The following DHH variants were observed in gnomAD, a reference collection of about 807,000 sequenced individuals.
The protein encoded by DHH is desert hedgehog protein.
DHH carries 16 observed loss-of-function variants against 27.6 expected under a neutral mutation model. The ratio of observed to expected loss-of-function variants is 0.58; its 90% CI spans 0.39 to 0.88. The LOEUF is 0.88. Among genes scored for constraint, DHH ranks in the 40% least tolerant of loss-of-function variants. The pLI, the probability that DHH is intolerant of heterozygous loss-of-function variation, is 0.00. For synonymous variants in DHH, 289 were observed against 263.4 expected (o/e 1.10, Z -0.94); for missense variants, 436 against 563.1 (o/e 0.77, Z 2.28).
At chr12:49,092,052 G>A (rs1939313427) in intron 1 of DHH, among the ~76,000 whole-genome samples, 1 of 152,202 alleles carries the variant, frequency 6.6e-6, no homozygotes, top group Non-Finnish European at 1.5e-5. Context: ...CTGAGCCCAG[G>A]CCGGGAACGC....
At chr12:49,093,831 T>A (rs901914031) in intron 1 of DHH, among the ~76,000 whole-genome samples, 1 of 152,172 alleles carries the variant, frequency 6.6e-6, no homozygotes, top group East Asian at 1.9e-4. Flanking sequence ...GGCTTCTGTC[T>A]GCTACCTAGC....
rs1419415875 is a variant in DHH at position 49,087,382 on chromosome 12, C to T, written c.*2477G>A. On this transcript the variant is annotated 3_prime_UTR_variant, in exon 3 of 3. Transcript: ENST00000649637. The stretch of plus-strand genomic sequence containing the variant: ...CTTATTACAGTGCTAGGAATCATCA[C>T]CATTATGATTTTATGGTTAAAGGTT... Among the ~76,000 whole-genome samples the T allele has an allele frequency of 6.6e-6, 1 of 152,136 alleles. No homozygotes were observed. Among genetic ancestry groups the T allele is most frequent in the Non-Finnish European group, 1.5e-5 (1 of 68,026 alleles).
chr12:49,091,457 G>A lies in DHH; in HGVS notation c.304-68C>T, dbSNP rs965279038. 3.7e-5 allele frequency: 59 copies of A among 1,593,366 alleles called. No individual in the cohort carries two copies. The highest frequency in any genetic ancestry group is 4.5e-5 in the Non-Finnish European group (53 of 1,171,998). On this transcript the variant is annotated intron_variant, in intron 1 of 2. Transcript: ENST00000649637. The surrounding 1 kb of genome is among the most constrained non-coding windows in gnomAD (Gnocchi z 4.8). ...GGGGCAAAAGGGACCTGGATAGGAG[G>A]GTTGATTCTTTGTTATTCCGGCCCT...
chr12:49,090,562 G>A lies in DHH; in HGVS notation c.566-78C>T, dbSNP rs1939281768. 1 of 1,551,362 alleles carries A rather than the reference G, an allele frequency of 6.4e-7. No individual in the cohort carries two copies. Among genetic ancestry groups the A allele is most frequent in the Non-Finnish European group, 8.7e-7 (1 of 1,152,404 alleles). On this transcript the variant is annotated intron_variant, in intron 2 of 2. Transcript: ENST00000649637. The surrounding 1 kb of genome is among the most constrained non-coding windows in gnomAD (Gnocchi z 5.2). ...GATTCTCAAGGCCAGCGCAGATATC[G>A]CCAGTCATGGACAACACAATTTTCC...
intron 1 of DHH, among the ~76,000 whole-genome samples, chr12:49,093,637 G>T (rs1305873578): frequency 1.3e-5 from 2 of 152,118 alleles, no homozygotes; most frequent in Admixed American, 6.5e-5. Context: ...GATAGCCCTA[G>T]AATAGACCCT....
rs780206840 is a variant in DHH at position 49,090,459 on chromosome 12, G to T, written c.591C>A (p.Gly197=). 1.9e-6 allele frequency: 3 copies of T among 1,604,242 alleles called. No individual in the cohort carries two copies. Among genetic ancestry groups the T allele is most frequent in the Non-Finnish European group, 2.5e-6 (3 of 1,179,736 alleles). Residue 197 remains glycine (G), a synonymous_variant, in exon 3 of 3, where the codon GGC becomes GGA. Transcript: ENST00000649637. This position sits in a 1 kb window ranked among gnomAD's most constrained non-coding sequence, Gnocchi z 5.2. The part of the protein sequence containing the change: ...KADNSLAVRA[G]GCFPGNATVR... ...CAGTTGCATTTCCCGGAAAGCAGCCGCCCGCCCGGACCGCCAGTGAGTTAT... is the reference window on the plus strand; with the variant it reads ...CAGTTGCATTTCCCGGAAAGCAGCCTCCCGCCCGGACCGCCAGTGAGTTAT...
rs576275877 is a variant in DHH, at chr12:49,093,946, T to C, written c.303+264A>G. Reference sequence around the variant, plus strand: ...CCGTCTCGCCTGCCGCCATCCTCCTTTCCCCGCCCTCGCTGCCTCTACCAG... The same window carrying C: ...CCGTCTCGCCTGCCGCCATCCTCCTCTCCCCGCCCTCGCTGCCTCTACCAG... On this transcript the variant is annotated intron_variant, in intron 1 of 2. Coordinates refer to ENST00000649637, the MANE Select transcript of DHH (RefSeq NM_021044.4). Among the ~76,000 whole-genome samples the C allele has an allele frequency of 2.0e-5, 3 of 152,246 alleles. 1 individual carries two copies. The highest frequency in any genetic ancestry group is 6.8e-3 in the Middle Eastern group (2 of 294).
chr12:49,090,441 A>C lies in DHH; in HGVS notation c.609T>G (p.Asn203Lys), dbSNP rs1463980170. The C allele has an allele frequency of 6.2e-7, 1 of 1,608,126 alleles. No homozygotes were observed. Among genetic ancestry groups the C allele is most frequent in the Non-Finnish European group, 8.5e-7 (1 of 1,179,704 alleles). ...CGCCGCTCCACAGGCGCACAGTTGC[A>C]TTTCCCGGAAAGCAGCCGCCCGCCC... is the stretch of plus-strand genomic sequence containing the variant. Reference protein sequence around the residue: ...AVRAGGCFPGNATVRLWSGER... With the variant: ...AVRAGGCFPGKATVRLWSGER... The change falls in exon 3 of 3, where the codon AAT (asparagine) becomes AAG (lysine). Residue 203 changes from asparagine (N) to lysine (K), a missense_variant. Transcript: ENST00000649637. This position sits in a 1 kb window ranked among gnomAD's most constrained non-coding sequence, Gnocchi z 5.2.
At position 49,090,142 on chromosome 12, in the gene DHH, G is replaced by T; in HGVS notation, c.908C>A (p.Pro303His). Reference sequence around the variant, plus strand: ...CGCTGGCCGAAGCGCATCCCCGCCGGGCGCCAGCACCGAGTCCCCAGCGCG... The same window carrying T: ...CGCTGGCCGAAGCGCATCCCCGCCGTGCGCCAGCACCGAGTCCCCAGCGCG... ...RLRAGDSVLAPGGDALRPARV... is the reference protein window; with the variant it reads ...RLRAGDSVLAHGGDALRPARV... The change falls in exon 3 of 3, where the codon CCC becomes CAC. Residue 303 changes from proline to histidine, a missense_variant. Coordinates refer to ENST00000649637, the MANE Select transcript of DHH (RefSeq NM_021044.4). This position sits in a 1 kb window ranked among gnomAD's most constrained non-coding sequence, Gnocchi z 5.2. 1 of 1,512,394 alleles carries T rather than the reference G, an allele frequency of 6.6e-7. No individual in the cohort carries two copies. The highest frequency in any genetic ancestry group is 2.6e-5 in the East Asian group (1 of 38,766). The allele number at this position is 1,512,394 out of a possible 1,614,324, so 93.7% of individuals were successfully genotyped here.
Position 49,094,631 on chromosome 12 carries a change from A to G in DHH, c.-119T>C. The G allele has an allele frequency of 8.1e-7, 1 of 1,230,188 alleles. No individual in the cohort carries two copies. Among genetic ancestry groups the G allele is most frequent in the East Asian group, 2.5e-5 (1 of 39,408 alleles). The allele number at this position is 1,230,188 out of a possible 1,614,324, so 76.2% of individuals were successfully genotyped here. On this transcript the variant is annotated 5_prime_UTR_variant, in exon 1 of 3. Transcript: ENST00000649637. ...GGCACAGCTGCCCCCAGAGTGCCCT[A>G]GAGCTCTTGTGGCTCCGTGCACCTG...
In DHH at chr12:49,094,356, G is replaced by A; in HGVS notation, c.157C>T (p.Pro53Ser). Residue 53 changes from proline (P) to serine (S), a missense_variant, in exon 1 of 3, where the codon CCA becomes TCA. Pro to Ser is a moderately conservative substitution (Grantham distance 74, BLOSUM62 -1). Transcript: ENST00000649637. The part of the protein sequence containing the change: ...LLYKQFVPGV[P>S]ERTLGASGPA... ...CCACTGGCGCCCAGGGTCCGCTCTG[G>A]CACGCCGGGCACAAATTGCTTGTAG... 2 of 1,612,992 alleles carry A rather than the reference G, an allele frequency of 1.2e-6. No homozygotes were observed. The highest frequency in any genetic ancestry group is 8.5e-7 in the Non-Finnish European group (1 of 1,179,900).
In DHH at chr12:49,087,417, A is replaced by G. The variant is rs577602644; in HGVS notation, c.*2442T>C. Among the ~76,000 whole-genome samples the G allele has an allele frequency of 6.6e-6, 1 of 152,332 alleles. No homozygotes were observed. The highest frequency in any genetic ancestry group is 1.9e-4 in the East Asian group (1 of 5,190). On this transcript the variant is annotated 3_prime_UTR_variant, in exon 3 of 3. Transcript: ENST00000649637. ...TTTATGGTTAAAGGTTAAAACTGTA[A>G]GATATATGTATTACTGCTGGGCACA... is the stretch of plus-strand genomic sequence containing the variant.
At position 49,094,319 on chromosome 12, in the gene DHH, C is replaced by T. The variant is rs753139514; in HGVS notation, c.194G>A (p.Gly65Glu). The T allele has an allele frequency of 2.5e-6, 4 of 1,613,344 alleles. No individual in the cohort carries two copies. The South Asian group carries it at 3.3e-5, about 13-fold the overall frequency. Residue 65 changes from glycine (G) to glutamate (E), a missense_variant, in exon 1 of 3, where the codon GGG (glycine) becomes GAG (glutamate). Coordinates refer to ENST00000649637, the MANE Select transcript of DHH (RefSeq NM_021044.4). ...RTLGASGPAE[G>E]RVARGSERFR... is the part of the protein sequence containing the mutation. The stretch of plus-strand genomic sequence containing the variant: ...GCGCTCGGAGCCCCTTGCCACCCTC[C>T]CCTCCGCTGGCCCACTGGCGCCCAG...
rs1255035863 is a variant in DHH at position 49,087,025 on chromosome 12, C to T, written c.*2834G>A. Among the ~76,000 whole-genome samples, 2 of 152,168 alleles carry T rather than the reference C, an allele frequency of 1.3e-5. No individual in the cohort carries two copies. The highest frequency in any genetic ancestry group is 2.9e-5 in the Non-Finnish European group (2 of 68,034). ...ACAATCCTTCTCAACCATCCTGTCA[C>T]GGAGGTATCATTATCCCCAGATCTA... On this transcript the variant is annotated 3_prime_UTR_variant, in exon 3 of 3. Transcript: ENST00000649637.
rs1297354151 is a variant in DHH at position 49,094,304 on chromosome 12, C to G, written c.209G>C (p.Gly70Ala). Reference protein sequence around the residue: ...SGPAEGRVARGSERFRDLVPN... With the variant: ...SGPAEGRVARASERFRDLVPN... Reference sequence around the variant, plus strand: ...CACGAGGTCCCGGAAGCGCTCGGAGCCCCTTGCCACCCTCCCCTCCGCTGG... The same window carrying G: ...CACGAGGTCCCGGAAGCGCTCGGAGGCCCTTGCCACCCTCCCCTCCGCTGG... Residue 70 changes from glycine to alanine, a missense_variant, in exon 1 of 3, where the codon GGC becomes GCC. Physicochemically the swap from Gly to Ala is moderately conservative, Grantham distance 60. Coordinates refer to ENST00000649637, the MANE Select transcript of DHH (RefSeq NM_021044.4). 6.2e-7 allele frequency: 1 copy of G among 1,613,244 alleles called. No homozygotes were observed.
chr12:49,086,927 G>A lies in DHH; in HGVS notation c.*2932C>T, dbSNP rs1208220505. Among the ~76,000 whole-genome samples, 2 of 152,158 alleles carry A rather than the reference G, an allele frequency of 1.3e-5. No homozygotes were observed. The highest frequency in any genetic ancestry group is 2.1e-4 in the South Asian group (1 of 4,836). On this transcript the variant is annotated 3_prime_UTR_variant, in exon 3 of 3. Coordinates refer to ENST00000649637, the MANE Select transcript of DHH (RefSeq NM_021044.4). ...TGGAGTGGTGAGGAAAGAAGTGATC[G>A]GAAGGCAGCAAAGTCAGTCAGAAGT...
Position 49,094,571 on chromosome 12 carries a change from G to A in DHH, c.-59C>T. ...CTTGTCCTCACTAACTCTCCTGTCA[G>A]TTAGGCATCTCCACAGGCACCAGAG... On this transcript the variant is annotated 5_prime_UTR_variant, in exon 1 of 3. Transcript: ENST00000649637. The A allele has an allele frequency of 6.5e-7, 1 of 1,532,016 alleles. No homozygotes were observed. The highest frequency in any genetic ancestry group is 8.8e-7 in the Non-Finnish European group (1 of 1,130,966). 94.9% of individuals were successfully genotyped at this position (1,532,016 alleles called of 1,614,324 possible).
Position 49,091,372 on chromosome 12 carries a change from C to A in DHH, c.321G>T (p.Val107=). 1 of 1,614,214 alleles carries A rather than the reference C, an allele frequency of 6.2e-7. No homozygotes were observed. Among genetic ancestry groups the A allele is most frequent in the Non-Finnish European group, 8.5e-7 (1 of 1,180,038 alleles). ...TCATCACGGCAATGGCCAAAGCGTT[C>A]ACCCGCTCCTTACAACGCTGGCGGG... ...RLMTERCKER[V]NALAIAVMNM... Residue 107 remains valine, a synonymous_variant, in exon 2 of 3, where the codon GTG becomes GTT. Transcript: ENST00000649637. This position sits in a 1 kb window ranked among gnomAD's most constrained non-coding sequence, Gnocchi z 4.8.
At position 49,091,417 on chromosome 12, in the gene DHH, CCCA is replaced by C; in HGVS notation, c.304-31_304-29del. 6.2e-7 allele frequency: 1 copy of C among 1,612,586 alleles called. No individual in the cohort carries two copies. The highest frequency in any genetic ancestry group is 1.1e-5 in the South Asian group (1 of 90,972). ...GGCGGGGAATAAAGGAGTCAGTCTCCCCACCACCACCCTTGGGGCAAAAGGGAC... is the reference window on the plus strand; with the variant it reads ...GGCGGGGAATAAAGGAGTCAGTCTCCCCACCACCCTTGGGGCAAAAGGGAC... On this transcript the variant is annotated intron_variant, in intron 1 of 2. Transcript: ENST00000649637. This position sits in a 1 kb window ranked among gnomAD's most constrained non-coding sequence, Gnocchi z 4.8.
Sources: allele counts gnomAD v4.1 joint callset (sites outside exome capture counted in the v4.1 genomes callset), GRCh38; gene constraint gnomAD v4.1.1; non-coding constraint Gnocchi (gnomAD v3.1); transcripts MANE v1.5; gene names NCBI Gene and HGNC (gene_info 2026-07-23, HGNC 2026-07-21).